Variants in TMEM181 observed in about 807,000 individuals in gnomAD.
TMEM181 encodes transmembrane protein 181.
In TMEM181, 39 loss-of-function variants were observed where a neutral mutation model predicts 71.9. The observed-to-expected ratio is 0.54, with a 90% CI of 0.42 to 0.71. The LOEUF (loss-of-function observed/expected upper bound fraction) is 0.71. Ranked by LOEUF, TMEM181 falls within the 30% of genes least tolerant of loss-of-function variation. The probability of loss-of-function intolerance (pLI) is 0.00; values close to 1 mark genes in which losing one functional copy is unlikely to be tolerated. For synonymous variants in TMEM181, 245 were observed against 228.8 expected (o/e 1.07, Z -0.64); for missense variants, 595 against 583.0 (o/e 1.02, Z -0.21).
intron 16 of TMEM181, 70 bp from the exon 17 acceptor site, chr6:158,631,740 T>C (rs1786676269): frequency 6.9e-7 from 1 of 1,454,962 alleles, no homozygotes. Context: ...TGGAATGGTG[T>C]GTCAGTGTGG....
At chr6:158,562,934 T>C (rs1361416958) in intron 1 of TMEM181, among the ~76,000 whole-genome samples, 1 of 152,178 alleles carries the variant, frequency 6.6e-6, no homozygotes, top group Non-Finnish European at 1.5e-5. Context: ...AAAAGACAAG[T>C]GAGTTTTTCA....
chr6:158,631,765 G>A, intron 16 of TMEM181, 45 bp from the exon 17 acceptor site: 4 of 1,544,602 alleles, frequency 2.6e-6, no homozygotes, highest in South Asian at 1.2e-5. Flanking sequence ...GGAAAATAAA[G>A]AGCTGTCAGA....
At chr6:158,549,503 G>A (rs1225998026) in intron 1 of TMEM181, among the ~76,000 whole-genome samples, 1 of 152,176 alleles carries the variant, frequency 6.6e-6, no homozygotes, top group Non-Finnish European at 1.5e-5. Context: ...AGAAAGGAGA[G>A]AATGCAAACA....
intron 6 of TMEM181, among the ~76,000 whole-genome samples, chr6:158,604,217 C>T (rs1351457390): frequency 1.3e-5 from 2 of 152,236 alleles, no homozygotes; most frequent in African/African-American, 2.4e-5. Context: ...CTGGGTTCCC[C>T]TCCATGATGT....
chr6:158,566,793 G>A (rs1248465052), intron 1 of TMEM181, among the ~76,000 whole-genome samples: 1 of 152,076 alleles, frequency 6.6e-6, no homozygotes, highest in African/African-American at 2.4e-5. Flanking sequence ...AGAGACCGAC[G>A]GAAGTTTTCC....
intron 1 of TMEM181, among the ~76,000 whole-genome samples, chr6:158,561,799 G>A (rs966921933): frequency 6.6e-6 from 1 of 152,118 alleles, no homozygotes; most frequent in Non-Finnish European, 1.5e-5. Flanking sequence ...GCACTAAGAG[G>A]GTTAGGGAAG....
At chr6:158,622,623 G>C (rs927438672) in intron 10 of TMEM181, among the ~76,000 whole-genome samples, 1 of 152,216 alleles carries the variant, frequency 6.6e-6, no homozygotes, top group African/African-American at 2.4e-5. Flanking sequence ...CCCATTTAAC[G>C]TTTTCTGACT....
At chr6:158,563,188 G>T (rs1244881225) in intron 1 of TMEM181, among the ~76,000 whole-genome samples, 1 of 152,220 alleles carries the variant, frequency 6.6e-6, no homozygotes, top group African/African-American at 2.4e-5. Flanking sequence ...CTGTCACCCA[G>T]GCTGGAGAGC....
chr6:158,603,654 A>G (rs1438210803), intron 6 of TMEM181, among the ~76,000 whole-genome samples: 2 of 148,718 alleles, frequency 1.3e-5, no homozygotes, highest in African/African-American at 2.5e-5. Context: ...ACATTTACCA[A>G]TCTCTGTCGT....
chr6:158,547,106 G>A (rs1022816814), intron 1 of TMEM181, among the ~76,000 whole-genome samples: 3 of 152,096 alleles, frequency 2.0e-5, no homozygotes, highest in East Asian at 1.9e-4. Flanking sequence ...ACATGGCGAC[G>A]CTTCATCTCT....
intron 2 of TMEM181, among the ~76,000 whole-genome samples, chr6:158,576,633 G>C (rs1783170860): frequency 1.3e-5 from 2 of 152,074 alleles, no homozygotes; most frequent in South Asian, 4.2e-4. Flanking sequence ...ACCTCAGGCT[G>C]ATCCTTTGCA....
upstream of TMEM181, among the ~76,000 whole-genome samples, chr6:158,558,589 C>A (rs970033884): frequency 1.3e-5 from 2 of 152,176 alleles, no homozygotes; most frequent in African/African-American, 4.8e-5. Flanking sequence ...AACCACCTGC[C>A]AATGACAGAA....
chr6:158,557,505 A>ATTATTTATTTATTTAT (rs4022177), upstream of TMEM181, among the ~76,000 whole-genome samples: 2,929 of 146,928 alleles, frequency 0.02, 109 homozygotes, highest in African/African-American at 0.067. Flanking sequence ...CACAGCTGTA[A>ATTATTTATTTATTTAT]TTATTTATTT....
At chr6:158,630,493 TA>T (rs956600774) in intron 15 of TMEM181, among the ~76,000 whole-genome samples, 1 of 151,382 alleles carries the variant, frequency 6.6e-6, no homozygotes, top group Non-Finnish European at 1.5e-5. Context: ...CCCTGTCTCT[TA>T]AAAAAAAATT....
At chr6:158,551,188 C>G (rs934904072) in intron 1 of TMEM181, among the ~76,000 whole-genome samples, 5 of 152,078 alleles carry the variant, frequency 3.3e-5, no homozygotes, top group African/African-American at 1.2e-4. Context: ...TCTCAATCTC[C>G]TGACCTCGTG....
At chr6:158,585,627 C>T (rs549155771) in intron 5 of TMEM181, among the ~76,000 whole-genome samples, 41 of 152,218 alleles carry the variant, frequency 2.7e-4, no homozygotes, top group Non-Finnish European at 5.0e-4. Flanking sequence ...TTCTTATAAA[C>T]GTACACATGC....
At chr6:158,608,181 G>C in intron 8 of TMEM181, 152 bp from the exon 9 acceptor site, 1 of 1,044,628 alleles carries the variant, frequency 9.6e-7, no homozygotes, top group Non-Finnish European at 1.4e-6. Context: ...TGCTGACCCC[G>C]CACAGGTATG....
chr6:158,616,274 G>C (rs1356280373), intron 10 of TMEM181, among the ~76,000 whole-genome samples: 3 of 94,674 alleles, frequency 3.2e-5, no homozygotes, highest in African/African-American at 1.4e-4. Flanking sequence ...CTCATGATTT[G>C]GCTCTTTGTT....
At position 158,562,446 on chromosome 6, in the gene TMEM181, T is replaced by TG. The variant is rs1554302346; in HGVS notation, c.8+2214_8+2215insG. Among the ~76,000 whole-genome samples, 137 of 141,190 alleles carry TG rather than the reference T, an allele frequency of 9.7e-4. 1 individual carries two copies. The highest frequency in any genetic ancestry group is 3.3e-3 in the African/African-American group (124 of 37,362). The allele number at this position is 141,190 out of a possible 152,430, so 92.6% of individuals were successfully genotyped here. A position where few individuals can be genotyped will look rare whatever the true frequency, so the allele number is the denominator to read the frequency against. Reference sequence around the variant, plus strand: ...TCTGCAAATTTAAATAAGGCTGTTTTTGTGTGTGTGTGTGTGTGTGTGTGT... The same window carrying TG: ...TCTGCAAATTTAAATAAGGCTGTTTTGTGTGTGTGTGTGTGTGTGTGTGTGT... On this transcript the variant is annotated intron_variant, in intron 1 of 16. Transcript: ENST00000684151.
Sources: gnomAD v4.1 joint callset for allele counts (sites outside exome capture counted in the v4.1 genomes callset) on GRCh38, gnomAD v4.1.1 for gene constraint, MANE v1.5 for transcripts, NCBI Gene and HGNC (gene_info 2026-07-23, HGNC 2026-07-21) for gene names.